CSMD1: variants seen among roughly 807,000 people sequenced by gnomAD.
The protein encoded by CSMD1 is CUB and sushi domain-containing protein 1.
CSMD1 carries 213 observed loss-of-function variants against 417.5 expected under a neutral mutation model. The ratio of observed to expected loss-of-function variants is 0.51; its 90% CI spans 0.46 to 0.57. The LOEUF is 0.57. Ranked by LOEUF, CSMD1 falls within the 20% of genes least tolerant of loss-of-function variation. CSMD1 has a pLI of 0.00. For synonymous variants in CSMD1, 2,862 were observed against 1,736.8 expected (o/e 1.65, Z -16.11); for missense variants, 6,923 against 4,529.7 (o/e 1.53, Z -15.17).
intron 1 of CSMD1, among the ~76,000 whole-genome samples, chr8:4,698,189 A>G (rs1049284479): frequency 3.3e-5 from 5 of 149,612 alleles, no homozygotes; most frequent in Non-Finnish European, 5.9e-5. Flanking sequence ...AACTTTCTGC[A>G]CCTTCATCTG....
intron 3 of CSMD1, among the ~76,000 whole-genome samples, chr8:4,233,664 T>C (rs1801875269): frequency 6.6e-6 from 1 of 152,168 alleles, no homozygotes; most frequent in Non-Finnish European, 1.5e-5. Context: ...AGCAAATTTC[T>C]GTGCTTTATA....
At chr8:3,039,134 G>C (rs1438598228) in intron 50 of CSMD1, among the ~76,000 whole-genome samples, 3 of 152,150 alleles carry the variant, frequency 2.0e-5, no homozygotes, top group Non-Finnish European at 4.4e-5. Context: ...AACACCGTGT[G>C]AGTGAGGCAG....
intron 2 of CSMD1, among the ~76,000 whole-genome samples, chr8:4,582,803 C>T (rs1799484084): frequency 6.6e-6 from 1 of 152,218 alleles, no homozygotes; most frequent in African/African-American, 2.4e-5. Context: ...GAGCCCACTC[C>T]CTCAGCTTGC....
At chr8:3,738,008 G>A (rs1031880825) in intron 6 of CSMD1, among the ~76,000 whole-genome samples, 12 of 152,176 alleles carry the variant, frequency 7.9e-5, no homozygotes, top group Non-Finnish European at 4.4e-5. Context: ...ACAAACTAAT[G>A]AAGTGAAAAG....
At chr8:3,788,530 G>A (rs1053177456) in intron 5 of CSMD1, among the ~76,000 whole-genome samples, 2 of 152,142 alleles carry the variant, frequency 1.3e-5, no homozygotes, top group African/African-American at 4.8e-5. Flanking sequence ...TCTCACCTCA[G>A]ATATTTATTC....
At chr8:3,916,973 G>C (rs568744575) in intron 5 of CSMD1, among the ~76,000 whole-genome samples, 1 of 152,166 alleles carries the variant, frequency 6.6e-6, no homozygotes, top group South Asian at 2.1e-4. Flanking sequence ...ATTATTTCCT[G>C]AGGCAAAATG....
chr8:3,907,166 C>T (rs567141997), intron 5 of CSMD1, among the ~76,000 whole-genome samples: 2 of 152,120 alleles, frequency 1.3e-5, no homozygotes, highest in African/African-American at 4.8e-5. Context: ...TTACTTTAAA[C>T]GGCACACACG....
At chr8:4,287,905 C>G (rs1430489645) in intron 3 of CSMD1, among the ~76,000 whole-genome samples, 2 of 152,000 alleles carry the variant, frequency 1.3e-5, no homozygotes, top group African/African-American at 2.4e-5. Context: ...TGCTCTTAAG[C>G]CATCACATAT....
chr8:3,785,630 A>G (rs1311670483), intron 5 of CSMD1, among the ~76,000 whole-genome samples: 2 of 152,202 alleles, frequency 1.3e-5, no homozygotes, highest in African/African-American at 2.4e-5. Context: ...GCAAGTTACC[A>G]TCGAGTGTTT....
intron 41 of CSMD1, among the ~76,000 whole-genome samples, chr8:3,123,128 A>G (rs891035779): frequency 8.5e-5 from 13 of 152,220 alleles, no homozygotes; most frequent in African/African-American, 2.9e-4. Flanking sequence ...CTAAGCTGAT[A>G]AATGTAGGGA....
intron 3 of CSMD1, among the ~76,000 whole-genome samples, chr8:4,107,233 C>T (rs1302223524): frequency 6.6e-6 from 1 of 152,178 alleles, no homozygotes; most frequent in African/African-American, 2.4e-5. Context: ...GTAGCTGGCG[C>T]CAGAATGGAA....
chr8:4,539,568 A>C (rs999738697), intron 2 of CSMD1, among the ~76,000 whole-genome samples: 1 of 152,158 alleles, frequency 6.6e-6, no homozygotes, highest in Non-Finnish European at 1.5e-5. Context: ...CATTTTTCTC[A>C]TGTTACACTG....
intron 4 of CSMD1, among the ~76,000 whole-genome samples, chr8:4,024,109 A>G (rs1027530705): frequency 6.6e-6 from 1 of 152,174 alleles, no homozygotes; most frequent in African/African-American, 2.4e-5. Flanking sequence ...ATCTTACTAA[A>G]TGGAAAGACA....
At chr8:4,882,586 C>A (rs1410734173) in intron 1 of CSMD1, among the ~76,000 whole-genome samples, 18 of 151,808 alleles carry the variant, frequency 1.2e-4, no homozygotes, top group Admixed American at 1.2e-3. Context: ...ACATTCAACC[C>A]CAAGCATAGA....
rs759268228 is a variant in CSMD1, at chr8:4,530,314, C to CTTTTTTTTTTTTTTTTTTTTTTTTTTTTT, written c.302+106999_302+107027dup. On this transcript the variant is annotated intron_variant, in intron 2 of 69. Coordinates refer to ENST00000635120, the MANE Select transcript of CSMD1 (RefSeq NM_033225.6). ...TTCACAGTTTATCGTACAGGTAGTG[C>CTTTTTTTTTTTTTTTTTTTTTTTTTTTTT]TTTTTTTTTTTTTTTTTTTTTTTTT... Among the ~76,000 whole-genome samples the CTTTTTTTTTTTTTTTTTTTTTTTTTTTTT allele has an allele frequency of 1.1e-4, 5 of 46,688 alleles. 1 individual carries two copies. Among genetic ancestry groups the CTTTTTTTTTTTTTTTTTTTTTTTTTTTTT allele is most frequent in the Non-Finnish European group, 1.8e-4 (5 of 27,190 alleles). The allele number at this position is 46,688 out of a possible 152,430, so 30.6% of individuals were successfully genotyped here.
intron 1 of CSMD1, among the ~76,000 whole-genome samples, chr8:4,941,284 A>G (rs964432034): frequency 6.6e-6 from 1 of 152,236 alleles, no homozygotes; most frequent in African/African-American, 2.4e-5. Flanking sequence ...TGATTCAAAA[A>G]GTTATTTTGA....
At chr8:4,378,705 T>G (rs1802909574) in intron 3 of CSMD1, among the ~76,000 whole-genome samples, 1 of 152,190 alleles carries the variant, frequency 6.6e-6, no homozygotes, top group Non-Finnish European at 1.5e-5. Context: ...AACCTAATAT[T>G]CAGTGTGGTG....
At chr8:4,181,580 C>T (rs1798379703) in intron 3 of CSMD1, among the ~76,000 whole-genome samples, 1 of 152,050 alleles carries the variant, frequency 6.6e-6, no homozygotes, top group African/African-American at 2.4e-5. Context: ...CTTACTGGGC[C>T]ACAGGATGGA....
chr8:3,234,026 C>T lies in CSMD1; in HGVS notation c.4154-3795G>A, dbSNP rs527785235. ...TCTCCCCACTCTGTGAGTAGAACAC[C>T]CTTTGGTGTTCCAGCTATACATGAG... On this transcript the variant is annotated intron_variant, in intron 26 of 69. Transcript: ENST00000635120. Among the ~76,000 whole-genome samples the T allele has an allele frequency of 2.6e-5, 4 of 152,150 alleles. No homozygotes were observed. In the South Asian group the frequency reaches 8.3e-4, roughly 32 times the overall value.
Sources: allele counts gnomAD v4.1 joint callset (sites outside exome capture counted in the v4.1 genomes callset), GRCh38; gene constraint gnomAD v4.1.1; transcripts MANE v1.5; gene names NCBI Gene and HGNC (gene_info 2026-07-23, HGNC 2026-07-21).